The following GASK1B variants were observed in gnomAD, a reference collection of about 807,000 sequenced individuals.
The protein encoded by GASK1B is golgi associated kinase 1B.
GASK1B carries 34 observed loss-of-function variants against 42.8 expected under a neutral mutation model. The observed-to-expected ratio is 0.79, with a 90% CI of 0.60 to 1.06. The LOEUF is 1.06. Among genes scored for constraint, GASK1B ranks in the 50% least tolerant of loss-of-function variants. The pLI is 0.00. For missense variants in GASK1B, 686 were observed against 661.0 expected (o/e 1.04, Z -0.42); for synonymous variants, 262 against 259.1 (o/e 1.01, Z -0.11).
chr4:158,170,020 C>A, intron 2 of GASK1B: 2 of 562,800 alleles, frequency 3.6e-6, no homozygotes, highest in Non-Finnish European at 3.1e-6. Context: ...AAGAAGATTC[C>A]ATCTGCTCAA....
At chr4:158,158,259 A>G (rs1405713045) in intron 2 of GASK1B, among the ~76,000 whole-genome samples, 3 of 152,154 alleles carry the variant, frequency 2.0e-5, no homozygotes, top group Admixed American at 1.3e-4. Context: ...ACATAAACAC[A>G]TGCCCCAGAA....
At chr4:158,135,552 G>A (rs1320088510) in intron 3 of GASK1B, among the ~76,000 whole-genome samples, 2 of 151,760 alleles carry the variant, frequency 1.3e-5, no homozygotes, top group Non-Finnish European at 2.9e-5. Flanking sequence ...AACTGAGGCA[G>A]AAAAGGGCTA....
Position 158,170,843 on chromosome 4 carries a change from C to G in GASK1B, c.533G>C (p.Arg178Pro), listed in dbSNP as rs750214947. ...CGGACCCCGCACCAACCTCCAGGGTCGCTCTCCAATCTTAACCAGGTTTGC... is the reference window on the plus strand; with the variant it reads ...CGGACCCCGCACCAACCTCCAGGGTGGCTCTCCAATCTTAACCAGGTTTGC... ...QGANLVKIGE[R>P]PWRLVRGPGV... The change falls in exon 2 of 5, where the codon CGA becomes CCA. Residue 178 changes from arginine (R) to proline (P), a missense_variant. By Grantham distance (103) the Arg-to-Pro change is moderately radical. Coordinates refer to ENST00000585682, the MANE Select transcript of GASK1B (RefSeq NM_001128424.2). The G allele has an allele frequency of 2.5e-6, 4 of 1,614,088 alleles. No individual in the cohort carries two copies. The highest frequency in any genetic ancestry group is 3.3e-5 in the Admixed American group (2 of 60,012).
chr4:158,156,156 C>T (rs1003433168), intron 2 of GASK1B, among the ~76,000 whole-genome samples: 1 of 152,086 alleles, frequency 6.6e-6, no homozygotes, highest in Non-Finnish European at 1.5e-5. Flanking sequence ...TAAAAGCAGC[C>T]ACCACAAAAA....
chr4:158,156,743 A>G (rs141157026), intron 2 of GASK1B, among the ~76,000 whole-genome samples: 50 of 152,254 alleles, frequency 3.3e-4, no homozygotes, highest in African/African-American at 1.2e-3. Context: ...AACTTTGCTT[A>G]TAACTCAAAA....
chr4:158,140,187 G>T (rs1164996784), intron 3 of GASK1B, among the ~76,000 whole-genome samples: 1 of 152,188 alleles, frequency 6.6e-6, no homozygotes, highest in African/African-American at 2.4e-5. Flanking sequence ...CAGTATTACT[G>T]TGAAAATAGT....
chr4:158,161,775 T>C (rs1193167613), intron 2 of GASK1B, among the ~76,000 whole-genome samples: 1 of 152,190 alleles, frequency 6.6e-6, no homozygotes, highest in Non-Finnish European at 1.5e-5. Flanking sequence ...GGTGACTCAG[T>C]CCTGGGCGAT....
intron 2 of GASK1B, 56 bp from the exon 3 acceptor site, chr4:158,155,881 C>G: frequency 1.4e-6 from 2 of 1,480,182 alleles, no homozygotes; most frequent in Non-Finnish European, 1.9e-6. Flanking sequence ...CAGGGTGTGT[C>G]TTTGAGCAGG....
chr4:158,155,137 TA>T (rs1337283693), intron 3 of GASK1B, among the ~76,000 whole-genome samples: 1 of 152,166 alleles, frequency 6.6e-6, no homozygotes, highest in Non-Finnish European at 1.5e-5. Context: ...TGACCGGCAT[TA>T]ACATTAAAAC....
At chr4:158,136,835 A>G (rs1194504757) in intron 3 of GASK1B, among the ~76,000 whole-genome samples, 1 of 152,218 alleles carries the variant, frequency 6.6e-6, no homozygotes, top group Non-Finnish European at 1.5e-5. Flanking sequence ...GCAATAAGAC[A>G]TGTGATTGGT....
chr4:158,151,427 G>A lies in GASK1B; in HGVS notation c.1125+4184C>T, dbSNP rs1417172779. Among the ~76,000 whole-genome samples, 4 of 152,214 alleles carry A rather than the reference G, an allele frequency of 2.6e-5. No homozygotes were observed. The South Asian group carries it at 6.2e-4, about 24-fold the overall frequency. ...ATCCCAGCTCCAGCCTTCAGTGGTT[G>A]TAAGAACTTGAGTGAGATACTTAAC... On this transcript the variant is annotated intron_variant, in intron 3 of 4. Coordinates refer to ENST00000585682, the MANE Select transcript of GASK1B (RefSeq NM_001128424.2).
intron 2 of GASK1B, chr4:158,168,419 T>C (rs961481498): frequency 1.3e-5 from 2 of 152,186 alleles, no homozygotes; most frequent in Non-Finnish European, 2.9e-5. Context: ...AAGTAACACA[T>C]GAGACTTGGA....
Position 158,127,072 on chromosome 4 carries a change from G to A in GASK1B, c.*335C>T. 5.0e-6 allele frequency: 1 copy of A among 199,182 alleles called. No homozygotes were observed. The highest frequency in any genetic ancestry group is 9.4e-5 in the South Asian group (1 of 10,664). 12.3% of individuals were successfully genotyped at this position (199,182 alleles called of 1,614,324 possible). On this transcript the variant is annotated 3_prime_UTR_variant, in exon 5 of 5. Transcript: ENST00000585682. ...TTTATTAATGGAGTCAGTGTCTCTGGTTTGCAGTTTTCTATTAAACAGCAT... is the reference window on the plus strand; with the variant it reads ...TTTATTAATGGAGTCAGTGTCTCTGATTTGCAGTTTTCTATTAAACAGCAT...
At chr4:158,132,737 CA>C (rs1164181249) in intron 3 of GASK1B, among the ~76,000 whole-genome samples, 1 of 152,142 alleles carries the variant, frequency 6.6e-6, no homozygotes, top group Non-Finnish European at 1.5e-5. Flanking sequence ...TTGCACCAGT[CA>C]AAGGGTACAC....
intron 3 of GASK1B, among the ~76,000 whole-genome samples, chr4:158,134,683 T>C (rs746800850): frequency 9.9e-5 from 15 of 152,152 alleles, no homozygotes; most frequent in African/African-American, 1.4e-4. Flanking sequence ...TTTTTGGTGG[T>C]GGTGGTGGGA....
At chr4:158,133,384 A>G (rs1730759312) in intron 3 of GASK1B, among the ~76,000 whole-genome samples, 1 of 152,184 alleles carries the variant, frequency 6.6e-6, no homozygotes, top group Non-Finnish European at 1.5e-5. Context: ...CCGTAAAGAA[A>G]ATGCTACCAA....
At chr4:158,134,938 C>G (rs1389915684) in intron 3 of GASK1B, among the ~76,000 whole-genome samples, 1 of 152,170 alleles carries the variant, frequency 6.6e-6, no homozygotes, top group Non-Finnish European at 1.5e-5. Flanking sequence ...AAAAATGGGC[C>G]TATCAAGAAA....
In GASK1B at chr4:158,125,338, CAAAGTT is replaced by C. The variant is rs756206382; in HGVS notation, c.*2063_*2068del. ...CCCAACAGCATTGTAGCTTGAGACT[CAAAGTT>C]AAAGCCAGCTTCTAAAAAGCCTGTT... On this transcript the variant is annotated 3_prime_UTR_variant, in exon 5 of 5. Transcript: ENST00000585682. 6.6e-6 allele frequency: 1 copy of C among 151,768 alleles called. No individual in the cohort carries two copies. Among genetic ancestry groups the C allele is most frequent in the Non-Finnish European group, 1.5e-5 (1 of 67,966 alleles). The allele number at this position is 151,768 out of a possible 1,614,324, so 9.4% of individuals were successfully genotyped here. A position where few individuals can be genotyped will look rare whatever the true frequency, so the allele number is the denominator to read the frequency against.
chr4:158,137,351 G>T (rs931462863), intron 3 of GASK1B, among the ~76,000 whole-genome samples: 1 of 150,638 alleles, frequency 6.6e-6, no homozygotes, highest in Admixed American at 6.6e-5. Flanking sequence ...ATCTCATTTA[G>T]AAAAAAGTTC....
Sources: gnomAD v4.1 joint callset for allele counts (sites outside exome capture counted in the v4.1 genomes callset) on GRCh38, gnomAD v4.1.1 for gene constraint, MANE v1.5 for transcripts, NCBI Gene and HGNC (gene_info 2026-07-23, HGNC 2026-07-21) for gene names.